DPP10: variants seen among roughly 807,000 people sequenced by gnomAD.
The protein encoded by DPP10 is dipeptidyl peptidase like 10.
DPP10 carries 33 observed loss-of-function variants against 120.9 expected under a neutral mutation model. The observed-to-expected ratio is 0.27, with a 90% CI of 0.21 to 0.37. The LOEUF is 0.37. DPP10 is among the 10% of genes least tolerant of loss of function. The pLI is 1.00. For missense variants in DPP10, 816 were observed against 942.8 expected (o/e 0.87, Z 1.76); for synonymous variants, 337 against 326.1 (o/e 1.03, Z -0.36).
intron 1 of DPP10, among the ~76,000 whole-genome samples, chr2:115,169,132 G>A (rs1419737695): frequency 6.6e-6 from 1 of 152,138 alleles, no homozygotes; most frequent in Non-Finnish European, 1.5e-5. Flanking sequence ...AGGTCAAACA[G>A]ATTTCAGATT....
Position 114,710,127 on chromosome 2 carries a change from C to T in DPP10, c.60+267289C>T, listed in dbSNP as rs199795443. Among the ~76,000 whole-genome samples the T allele has an allele frequency of 4.6e-5, 7 of 152,326 alleles. No individual in the cohort carries two copies. The East Asian group carries it at 1.4e-3, about 29-fold the overall frequency. ...ATGGTATAGAATAGATGTTGACAAA[C>T]TACTAAGGCCTGTGGGCCAAATCTA... is the stretch of plus-strand genomic sequence containing the variant. On this transcript the variant is annotated intron_variant, in intron 1 of 25. Coordinates refer to ENST00000410059, the MANE Select transcript of DPP10 (RefSeq NM_020868.6).
intron 5 of DPP10, among the ~76,000 whole-genome samples, chr2:115,561,733 A>C (rs2080691366): frequency 6.6e-6 from 1 of 152,112 alleles, no homozygotes; most frequent in African/African-American, 2.4e-5. Flanking sequence ...CGTATTATTG[A>C]TTTTCTTCTT....
At chr2:114,653,156 T>G (rs1696732932) in intron 1 of DPP10, among the ~76,000 whole-genome samples, 1 of 152,082 alleles carries the variant, frequency 6.6e-6, no homozygotes, top group Non-Finnish European at 1.5e-5. Flanking sequence ...TTGGAAAAAG[T>G]GTCTTTTGCA....
chr2:115,624,043 T>C (rs1311739196), intron 5 of DPP10, among the ~76,000 whole-genome samples: 1 of 151,800 alleles, frequency 6.6e-6, no homozygotes, highest in Admixed American at 6.6e-5. Flanking sequence ...AAATTAGTTA[T>C]GGTAATGTCA....
intron 1 of DPP10, among the ~76,000 whole-genome samples, chr2:114,450,422 CTGAT>C (rs1678197190): frequency 6.6e-6 from 1 of 151,532 alleles, no homozygotes; most frequent in Non-Finnish European, 1.5e-5. Context: ...TTAAAGTGCT[CTGAT>C]TTTTTTTTTT....
intron 1 of DPP10, among the ~76,000 whole-genome samples, chr2:115,087,951 G>T (rs1708863997): frequency 6.6e-6 from 1 of 152,146 alleles, no homozygotes; most frequent in Non-Finnish European, 1.5e-5. Flanking sequence ...TAGACTTGGT[G>T]GCTTATAAAC....
At chr2:115,129,343 G>C (rs549504061) in intron 1 of DPP10, among the ~76,000 whole-genome samples, 1 of 152,258 alleles carries the variant, frequency 6.6e-6, no homozygotes, top group Non-Finnish European at 1.5e-5. Flanking sequence ...TCCTTCATGA[G>C]GATGCAATCC....
intron 3 of DPP10, among the ~76,000 whole-genome samples, chr2:115,461,007 T>C (rs187096261): frequency 1.1e-4 from 17 of 152,310 alleles, no homozygotes; most frequent in East Asian, 7.7e-4. Context: ...TCTGCAGATA[T>C]GCCTCAAAGA....
At chr2:114,871,528 A>C (rs1414660979) in intron 1 of DPP10, among the ~76,000 whole-genome samples, 1 of 152,226 alleles carries the variant, frequency 6.6e-6, no homozygotes, top group Non-Finnish European at 1.5e-5. Flanking sequence ...AGCAAAACTT[A>C]ACTTCTACTT....
chr2:115,482,701 T>C lies in DPP10; in HGVS notation c.272-16809T>C, dbSNP rs552209570. Among the ~76,000 whole-genome samples the C allele has an allele frequency of 1.8e-4, 28 of 152,170 alleles. No individual in the cohort carries two copies. In the South Asian group the frequency reaches 4.8e-3, roughly 26 times the overall value. On this transcript the variant is annotated intron_variant, in intron 3 of 25. Transcript: ENST00000410059. ...AGGTTTATTCCTCGTGTACCATGTA[T>C]CATTCCTTCATTCATCCTTATTGAC...
intron 1 of DPP10, among the ~76,000 whole-genome samples, chr2:114,663,668 T>TATATATATATATATAGAGAGAGAGAGAG: frequency 3.7e-5 from 3 of 80,710 alleles, no homozygotes; most frequent in African/African-American, 2.8e-4. Context: ...TATATATATA[T>TATATATATATATATAGAGAGAGAGAGAG]AGAGAGAGAG....
chr2:114,912,688 C>T (rs1694457818), intron 1 of DPP10, among the ~76,000 whole-genome samples: 1 of 152,090 alleles, frequency 6.6e-6, no homozygotes, highest in Non-Finnish European at 1.5e-5. Context: ...TTGCTGAGCA[C>T]CAGGACTCAT....
intron 3 of DPP10, among the ~76,000 whole-genome samples, chr2:115,353,820 G>A (rs1347497028): frequency 6.6e-6 from 1 of 152,096 alleles, no homozygotes; most frequent in Non-Finnish European, 1.5e-5. Flanking sequence ...CATCTTTCAT[G>A]TTTAATGTTT....
chr2:115,047,784 G>A (rs1559032925), intron 1 of DPP10, among the ~76,000 whole-genome samples: 1 of 151,992 alleles, frequency 6.6e-6, no homozygotes, highest in Non-Finnish European at 1.5e-5. Flanking sequence ...CAAAAAGAGA[G>A]GCTAGATTAC....
chr2:115,167,494 C>G (rs1156299788), intron 1 of DPP10, among the ~76,000 whole-genome samples: 1 of 151,480 alleles, frequency 6.6e-6, no homozygotes, highest in Non-Finnish European at 1.5e-5. Context: ...GTGGTCCCAG[C>G]TACTCAGGAG....
At chr2:115,589,922 T>C (rs1036925778) in intron 5 of DPP10, among the ~76,000 whole-genome samples, 2 of 152,140 alleles carry the variant, frequency 1.3e-5, no homozygotes, top group African/African-American at 4.8e-5. Context: ...ACACATTTTT[T>C]CAGCAAACCA....
intron 3 of DPP10, among the ~76,000 whole-genome samples, chr2:115,385,004 T>C (rs1183045827): frequency 1.3e-5 from 2 of 152,180 alleles, no homozygotes; most frequent in Non-Finnish European, 2.9e-5. Context: ...GTTTTGCATC[T>C]TTCTCATTTT....
chr2:114,838,168 G>A (rs1235392205), intron 1 of DPP10, among the ~76,000 whole-genome samples: 5 of 152,126 alleles, frequency 3.3e-5, no homozygotes, highest in Non-Finnish European at 7.3e-5. Context: ...TAAATCCATT[G>A]CCCTCAATCC....
chr2:115,315,062 A>G (rs1330302623), intron 2 of DPP10, among the ~76,000 whole-genome samples: 2 of 152,126 alleles, frequency 1.3e-5, no homozygotes, highest in African/African-American at 4.8e-5. Flanking sequence ...TGGAGAAAGT[A>G]TAGTAGATAG....
Sources: gnomAD v4.1 joint callset for allele counts (sites outside exome capture counted in the v4.1 genomes callset) on GRCh38, gnomAD v4.1.1 for gene constraint, MANE v1.5 for transcripts, NCBI Gene and HGNC (gene_info 2026-07-23, HGNC 2026-07-21) for gene names.